The following CRHR1 variants were observed in gnomAD, a reference collection of about 807,000 sequenced individuals.
The protein encoded by CRHR1 is corticotropin releasing hormone receptor 1.
A neutral mutation model predicts 56.0 loss-of-function variants in CRHR1; 28 were observed. That is an observed-to-expected ratio of 0.50 (90% CI 0.37 to 0.69). The LOEUF (loss-of-function observed/expected upper bound fraction) is 0.69. Ranked by LOEUF, CRHR1 falls within the 30% of genes least tolerant of loss-of-function variation. The pLI is 0.00. For missense variants in CRHR1, 376 were observed against 548.0 expected (o/e 0.69, Z 3.13); for synonymous variants, 195 against 216.5 (o/e 0.90, Z 0.87).
At chr17:45,799,532 A>G (rs758346398) in intron 1 of CRHR1, 1 of 152,266 alleles carries the variant, frequency 6.6e-6, no homozygotes, top group Non-Finnish European at 1.5e-5. Flanking sequence ...AAAGCAAAGC[A>G]GAGTCAGAAG....
chr17:45,813,076 GAC>G (rs1195060738), intron 2 of CRHR1, among the ~76,000 whole-genome samples: 4 of 152,198 alleles, frequency 2.6e-5, no homozygotes, highest in Admixed American at 2.6e-4. Flanking sequence ...GGGGATTTCA[GAC>G]ACAGAGACAC....
chr17:45,809,131 G>A (rs958955319), intron 2 of CRHR1, among the ~76,000 whole-genome samples: 1 of 152,232 alleles, frequency 6.6e-6, no homozygotes, highest in African/African-American at 2.4e-5. Context: ...AGTGCTGTGA[G>A]CTACAGCAGG....
At chr17:45,828,377 G>A (rs369709453) in intron 4 of CRHR1, among the ~76,000 whole-genome samples, 29 of 152,306 alleles carry the variant, frequency 1.9e-4, no homozygotes, top group African/African-American at 6.0e-4. Flanking sequence ...ACAAAATAAA[G>A]CCCAGATGCC....
At chr17:45,793,873 C>A (rs774769465) in intron 1 of CRHR1, among the ~76,000 whole-genome samples, 2 of 152,186 alleles carry the variant, frequency 1.3e-5, no homozygotes, top group Non-Finnish European at 2.9e-5. Context: ...ACTGGACCGA[C>A]CACAATGCAG....
intron 1 of CRHR1, among the ~76,000 whole-genome samples, chr17:45,796,110 C>T (rs1015898145): frequency 5.3e-5 from 8 of 152,222 alleles, no homozygotes; most frequent in African/African-American, 1.9e-4. Context: ...CACCGAAATC[C>T]CCCTCACTTT....
At chr17:45,801,869 G>A (rs2061629198) in intron 1 of CRHR1, among the ~76,000 whole-genome samples, 1 of 152,186 alleles carries the variant, frequency 6.6e-6, no homozygotes, top group South Asian at 2.1e-4. Context: ...AGTTCCCACT[G>A]TTTCAGGGTG....
chr17:45,794,048 C>G (rs1347961951), intron 1 of CRHR1, among the ~76,000 whole-genome samples: 1 of 152,224 alleles, frequency 6.6e-6, no homozygotes, highest in Non-Finnish European at 1.5e-5. Flanking sequence ...CCCTGGTGAG[C>G]CAGGCATCAC....
Position 45,830,474 on chromosome 17 carries a change from T to C in CRHR1, c.613T>C (p.Trp205Arg). Residue 205 changes from tryptophan (W) to arginine (R), a missense_variant, in exon 7 of 13, where the codon TGG becomes CGG. Coordinates refer to ENST00000314537, the MANE Select transcript of CRHR1 (RefSeq NM_004382.5). ...YNYFHVTNFF[W>R]MFGEGCYLHT... is the part of the protein sequence containing the mutation. ...CTACTTCCATGTGACCAACTTCTTC[T>C]GGATGTTCGGCGAGGGCTGCTACCT... The C allele has an allele frequency of 6.2e-7, 1 of 1,613,792 alleles. No individual in the cohort carries two copies. The highest frequency in any genetic ancestry group is 8.5e-7 in the Non-Finnish European group (1 of 1,179,964).
intron 1 of CRHR1, among the ~76,000 whole-genome samples, chr17:45,785,916 GA>G (rs1000379107): frequency 1.1e-4 from 17 of 152,324 alleles, no homozygotes; most frequent in African/African-American, 4.1e-4. Context: ...GGCTAGGGAT[GA>G]ACTCAGATTA....
chr17:45,813,950 G>C (rs1033507234), intron 2 of CRHR1, among the ~76,000 whole-genome samples: 3 of 152,260 alleles, frequency 2.0e-5, no homozygotes, highest in African/African-American at 7.2e-5. Flanking sequence ...CCCAGCAGTG[G>C]CCGGTGCAGG....
intron 2 of CRHR1, among the ~76,000 whole-genome samples, chr17:45,809,199 G>A (rs914823168): frequency 4.6e-5 from 7 of 152,174 alleles, no homozygotes; most frequent in Admixed American, 2.0e-4. Context: ...AGTGAGGAGG[G>A]AGGAGTGGGA....
chr17:45,812,889 C>T (rs919579742), intron 2 of CRHR1, among the ~76,000 whole-genome samples: 2 of 152,272 alleles, frequency 1.3e-5, no homozygotes, highest in Middle Eastern at 3.4e-3. Flanking sequence ...TCGTGCAAAG[C>T]GCCTTTCACA....
intron 1 of CRHR1, among the ~76,000 whole-genome samples, chr17:45,786,655 TTC>T (rs1555647276): frequency 6.6e-6 from 1 of 150,836 alleles, no homozygotes; most frequent in Non-Finnish European, 1.5e-5. Context: ...TTTTTTTTTT[TTC>T]AAGACAGGGT....
At position 45,821,398 on chromosome 17, in the gene CRHR1, C is replaced by T. The variant is rs1239728895; in HGVS notation, c.285C>T (p.Ala95=). ...RECLANGSWA[A]RVNYSECQEI... is the part of the protein sequence containing the mutation. ...GCCTGGCCAATGGCAGCTGGGCCGC[C>T]CGCGTGAATTACTCCGAGTGCCAGG... The change falls in exon 4 of 13, where the codon GCC becomes GCT. Residue 95 remains alanine (A), a synonymous_variant. Coordinates refer to ENST00000314537, the MANE Select transcript of CRHR1 (RefSeq NM_004382.5). 1.2e-6 allele frequency: 2 copies of T among 1,613,292 alleles called. No individual in the cohort carries two copies. Among genetic ancestry groups the T allele is most frequent in the Non-Finnish European group, 8.5e-7 (1 of 1,180,040 alleles).
chr17:45,791,962 G>A (rs1472494454), intron 1 of CRHR1, among the ~76,000 whole-genome samples: 1 of 152,042 alleles, frequency 6.6e-6, no homozygotes, highest in Non-Finnish European at 1.5e-5. Flanking sequence ...AAGCCACTGT[G>A]TGGTCACCAC....
At chr17:45,829,665 C>T in intron 5 of CRHR1, 2 of 1,549,690 alleles carry the variant, frequency 1.3e-6, no homozygotes, top group Non-Finnish European at 8.7e-7. Context: ...GGCCCCAGCA[C>T]TACCGCCAAG....
intron 4 of CRHR1, among the ~76,000 whole-genome samples, chr17:45,822,873 C>T (rs563159910): frequency 8.7e-5 from 13 of 149,740 alleles, no homozygotes; most frequent in Non-Finnish European, 1.6e-4. Flanking sequence ...GGGCCAAGTG[C>T]GGTGGCTCAC....
chr17:45,825,750 C>T (rs2143178783), intron 4 of CRHR1: 1 of 152,678 alleles, frequency 6.5e-6, no homozygotes, highest in East Asian at 1.9e-4. Flanking sequence ...AGGGGCCACC[C>T]TTTGAGGATC....
chr17:45,813,580 G>A (rs958229289), intron 2 of CRHR1, among the ~76,000 whole-genome samples: 5 of 152,208 alleles, frequency 3.3e-5, no homozygotes, highest in African/African-American at 1.2e-4. Flanking sequence ...GAGGCGCGGC[G>A]CTGCTGGGGA....
Sources: gnomAD v4.1 joint callset for allele counts (sites outside exome capture counted in the v4.1 genomes callset) on GRCh38, gnomAD v4.1.1 for gene constraint, MANE v1.5 for transcripts, NCBI Gene and HGNC (gene_info 2026-07-23, HGNC 2026-07-21) for gene names.